The following ZNF184 variants were observed in gnomAD, a reference collection of about 807,000 sequenced individuals.
The protein encoded by ZNF184 is zinc finger protein 184.
A neutral mutation model predicts 54.4 loss-of-function variants in ZNF184; 16 were observed. The observed-to-expected ratio is 0.29, with a 90% confidence interval of 0.20 to 0.45. ZNF184 has a LOEUF of 0.45. Ranked by LOEUF, ZNF184 falls within the 20% of genes least tolerant of loss-of-function variation. The pLI, the probability that ZNF184 is intolerant of heterozygous loss-of-function variation, is 1.00. For missense variants in ZNF184, 681 were observed against 888.2 expected (o/e 0.77, Z 2.97); for synonymous variants, 254 against 295.3 (o/e 0.86, Z 1.43).
At chr6:27,410,104 C>A in the ZNF184 span, among the ~76,000 whole-genome samples, 3 of 152,200 alleles carry the variant, frequency 2.0e-5, no homozygotes, top group Admixed American at 2.0e-4. Context: ...TTGGCTATAC[C>A]ATGTAGGTTT....
chr6:27,413,432 A>G, the ZNF184 span, among the ~76,000 whole-genome samples: 17 of 152,220 alleles, frequency 1.1e-4, no homozygotes, highest in African/African-American at 3.9e-4. Flanking sequence ...GATAAAACAT[A>G]ATGTTCACTC....
intron 3 of ZNF184, among the ~76,000 whole-genome samples, chr6:27,457,690 A>G (rs1215904664): frequency 6.6e-6 from 1 of 152,196 alleles, no homozygotes; most frequent in Non-Finnish European, 1.5e-5. Flanking sequence ...CATCATTACC[A>G]TCATCATCTC....
At chr6:27,463,380 G>A (rs1763048515) in intron 3 of ZNF184, among the ~76,000 whole-genome samples, 1 of 151,178 alleles carries the variant, frequency 6.6e-6, no homozygotes. Context: ...AGAAGAGTAA[G>A]CTTTGAAGAA....
At chr6:27,416,009 A>C in the ZNF184 span, among the ~76,000 whole-genome samples, 1 of 152,122 alleles carries the variant, frequency 6.6e-6, no homozygotes, top group African/African-American at 2.4e-5. Context: ...GTCAGTCATT[A>C]TTTTGCTTGT....
the ZNF184 span, among the ~76,000 whole-genome samples, chr6:27,420,621 C>T: frequency 2.6e-5 from 4 of 152,138 alleles, no homozygotes; most frequent in African/African-American, 9.7e-5. Context: ...ATGAGAATGG[C>T]CCAAATCCTG....
intron 2 of ZNF184, among the ~76,000 whole-genome samples, chr6:27,471,686 A>C (rs1266865911): frequency 2.0e-5 from 3 of 151,896 alleles, no homozygotes; most frequent in African/African-American, 7.3e-5. Context: ...AAAAGAATTT[A>C]TGAGGAGGAG....
chr6:27,464,529 C>T (rs1763074747), intron 3 of ZNF184, among the ~76,000 whole-genome samples: 1 of 151,256 alleles, frequency 6.6e-6, no homozygotes, highest in Non-Finnish European at 1.5e-5. Context: ...TAAGCATATT[C>T]AATCCAAAAG....
intron 5 of ZNF184, among the ~76,000 whole-genome samples, chr6:27,454,309 G>A (rs2113713924): frequency 6.6e-6 from 1 of 152,246 alleles, no homozygotes; most frequent in South Asian, 2.1e-4. Flanking sequence ...CAGTGCGGCA[G>A]ACCTCAGAGC....
the ZNF184 span, among the ~76,000 whole-genome samples, chr6:27,434,622 T>C: frequency 3.9e-5 from 6 of 152,218 alleles, no homozygotes; most frequent in Non-Finnish European, 8.8e-5. Context: ...CCTTTTCACC[T>C]TCTTAATAGT....
At chr6:27,425,448 C>T in the ZNF184 span, among the ~76,000 whole-genome samples, 1 of 152,190 alleles carries the variant, frequency 6.6e-6, no homozygotes, top group South Asian at 2.1e-4. Flanking sequence ...TACATGCTAA[C>T]AAGTCAAATA....
the ZNF184 span, among the ~76,000 whole-genome samples, chr6:27,414,100 C>G: frequency 8.5e-5 from 13 of 152,264 alleles, no homozygotes; most frequent in East Asian, 2.5e-3. Context: ...CATGTGGAAA[C>G]CAAAATTAAA....
chr6:27,453,368 T>G lies in ZNF184; in HGVS notation c.299-108A>C. 8.4e-7 allele frequency: 1 copy of G among 1,189,830 alleles called. No homozygotes were observed. Among genetic ancestry groups the G allele is most frequent in the Non-Finnish European group, 1.1e-6 (1 of 891,716 alleles). 73.7% of individuals were successfully genotyped at this position (1,189,830 alleles called of 1,614,324 possible). A position where few individuals can be genotyped will look rare whatever the true frequency, so the allele number is the denominator to read the frequency against. On this transcript the variant is annotated intron_variant, in intron 5 of 5. Coordinates refer to ENST00000683788, the MANE Select transcript of ZNF184 (RefSeq NM_001318891.2). This position sits in a 1 kb window ranked among gnomAD's most constrained non-coding sequence, Gnocchi z 4.7. The stretch of plus-strand genomic sequence containing the variant: ...AAATAAATCTCTCAGAAAATTCTAA[T>G]GGTTTTCAAATATATAGCCATATTA...
downstream of ZNF184, among the ~76,000 whole-genome samples, chr6:27,447,786 C>A (rs1762655343): frequency 6.6e-6 from 1 of 152,158 alleles, no homozygotes; most frequent in Admixed American, 6.5e-5. Flanking sequence ...GGGATTAATA[C>A]CATTATCACA....
the ZNF184 span, among the ~76,000 whole-genome samples, chr6:27,410,325 A>G: frequency 1.3e-5 from 2 of 152,192 alleles, no homozygotes; most frequent in Admixed American, 1.3e-4. Flanking sequence ...CTTAAGCTGG[A>G]TCCTAGCAGA....
intron 3 of ZNF184, among the ~76,000 whole-genome samples, chr6:27,458,897 ATTT>A (rs1256032524): frequency 2.0e-5 from 3 of 152,242 alleles, no homozygotes; most frequent in African/African-American, 7.2e-5. Context: ...CCATTCAGCC[ATTT>A]TAAAAAAGAA....
the ZNF184 span, among the ~76,000 whole-genome samples, chr6:27,436,180 T>C: frequency 6.6e-6 from 1 of 152,068 alleles, no homozygotes; most frequent in Non-Finnish European, 1.5e-5. Flanking sequence ...TTTTTTGTTG[T>C]TGTTTTTTTT....
chr6:27,429,800 A>G, the ZNF184 span, among the ~76,000 whole-genome samples: 1 of 152,162 alleles, frequency 6.6e-6, no homozygotes, highest in South Asian at 2.1e-4. Context: ...CTCTTAGTGT[A>G]TTTGTTTGTT....
In ZNF184 at chr6:27,465,070, T is replaced by A. The variant is rs532320039; in HGVS notation, c.75+2783A>T. On this transcript the variant is annotated intron_variant, in intron 3 of 5. Coordinates refer to ENST00000683788, the MANE Select transcript of ZNF184 (RefSeq NM_001318891.2). The stretch of plus-strand genomic sequence containing the variant: ...TCTATCATGTGAGGACATGAGGAGG[T>A]GGCACCATCTACGAACCAGACACAG... Among the ~76,000 whole-genome samples, 64 of 141,852 alleles carry A rather than the reference T, an allele frequency of 4.5e-4. 1 individual carries two copies. The highest frequency in any genetic ancestry group is 1.6e-3 in the African/African-American group (60 of 37,354). 93.1% of individuals were successfully genotyped at this position (141,852 alleles called of 152,430 possible).
chr6:27,467,984 A>G, intron 2 of ZNF184, 64 bp from the exon 3 acceptor site: 7 of 1,284,252 alleles, frequency 5.5e-6, no homozygotes, highest in Non-Finnish European at 7.5e-6. Flanking sequence ...CAATCCATAA[A>G]TTCCATTTAC....
Sources: allele counts gnomAD v4.1 joint callset (sites outside exome capture counted in the v4.1 genomes callset), GRCh38; gene constraint gnomAD v4.1.1; non-coding constraint Gnocchi (gnomAD v3.1); transcripts MANE v1.5; gene names NCBI Gene and HGNC (gene_info 2026-07-23, HGNC 2026-07-21).